Variants in KIF6 observed in about 807,000 individuals in gnomAD.
KIF6 encodes kinesin-like protein KIF6.
KIF6 carries 106 observed loss-of-function variants against 112.7 expected under a neutral mutation model. That is an observed-to-expected ratio of 0.94 (90% CI 0.80 to 1.11). KIF6 has a LOEUF of 1.11. Among genes scored for constraint, KIF6 ranks in the 50% least tolerant of loss-of-function variants. KIF6 has a pLI of 0.00. For missense variants in KIF6, 929 were observed against 964.0 expected, an observed-to-expected ratio of 0.96 and a Z score of 0.48; for synonymous variants, 339 against 339.9, an observed-to-expected ratio of 1.00 and a Z score of 0.03.
chr6:39,409,174 A>G (rs1030194776), intron 15 of KIF6, among the ~76,000 whole-genome samples: 7 of 152,226 alleles, frequency 4.6e-5, no homozygotes, highest in South Asian at 2.1e-4. Context: ...TTGCTGGCCT[A>G]CGGTCTGTGC....
chr6:39,464,405 A>G (rs1773666561), intron 13 of KIF6, among the ~76,000 whole-genome samples: 1 of 152,220 alleles, frequency 6.6e-6, no homozygotes, highest in Non-Finnish European at 1.5e-5. Context: ...AATGATCTCA[A>G]TTAGATCAAT....
intron 2 of KIF6, among the ~76,000 whole-genome samples, chr6:39,719,662 GAGT>G (rs1466539991): frequency 1.3e-5 from 2 of 152,188 alleles, no homozygotes; most frequent in African/African-American, 4.8e-5. Context: ...GCTACAAAAA[GAGT>G]ATTCAGACCA....
At chr6:39,352,274 T>C (rs746576035) in intron 19 of KIF6, among the ~76,000 whole-genome samples, 1 of 152,238 alleles carries the variant, frequency 6.6e-6, no homozygotes, top group Non-Finnish European at 1.5e-5. Context: ...TATAGATACA[T>C]TATTATGAAC....
Position 39,544,618 on chromosome 6 carries a change from G to A in KIF6, c.1363C>T (p.Pro455Ser). ...TTTCTATATTCTTCTTCTTTTAATG[G>A]TTCTTGACAATCTTGGTCTTTGCTT... is the stretch of plus-strand genomic sequence containing the variant. ...SESKDQDCQE[P>S]LKEEEYRKLR... The change falls in exon 12 of 23, where the codon CCA (proline) becomes TCA (serine). Residue 455 changes from proline (P) to serine (S), a missense_variant. Coordinates refer to ENST00000287152, the MANE Select transcript of KIF6 (RefSeq NM_145027.6). 1 of 1,611,616 alleles carries A rather than the reference G, an allele frequency of 6.2e-7. No homozygotes were observed. The highest frequency in any genetic ancestry group is 8.5e-7 in the Non-Finnish European group (1 of 1,178,302).
chr6:39,370,862 G>A (rs1044935892), intron 16 of KIF6, among the ~76,000 whole-genome samples: 2 of 152,050 alleles, frequency 1.3e-5, no homozygotes. Flanking sequence ...CACTACTGTC[G>A]ATTTTTATTC....
At chr6:39,612,051 T>C (rs182713560) in intron 6 of KIF6, among the ~76,000 whole-genome samples, 2 of 152,320 alleles carry the variant, frequency 1.3e-5, no homozygotes, top group Admixed American at 1.3e-4. Flanking sequence ...TTGAAAAGTA[T>C]TGATGCAAAA....
intron 3 of KIF6, among the ~76,000 whole-genome samples, chr6:39,646,843 TCA>T (rs148404533): frequency 0.019 from 2,854 of 152,300 alleles, 86 homozygotes; most frequent in African/African-American, 0.064. Context: ...TACTTGCCTT[TCA>T]CACAGTTCTG....
chr6:39,448,523 C>A (rs572961149), intron 13 of KIF6, among the ~76,000 whole-genome samples: 1 of 152,244 alleles, frequency 6.6e-6, no homozygotes, highest in South Asian at 2.1e-4. Context: ...CATTTATTAC[C>A]AGAGCATAAC....
At chr6:39,337,182 T>C (rs868416704) in intron 22 of KIF6, among the ~76,000 whole-genome samples, 13 of 85,440 alleles carry the variant, frequency 1.5e-4, no homozygotes, top group African/African-American at 5.4e-4. Context: ...CTTCTTTCTT[T>C]CTTTCTTTCT....
chr6:39,390,961 C>A (rs1391313711), intron 15 of KIF6, among the ~76,000 whole-genome samples: 1 of 152,130 alleles, frequency 6.6e-6, no homozygotes, highest in Non-Finnish European at 1.5e-5. Flanking sequence ...CACGGATTCC[C>A]AACTAACAGG....
At chr6:39,541,943 G>T (rs1778812716) in intron 12 of KIF6, among the ~76,000 whole-genome samples, 1 of 151,636 alleles carries the variant, frequency 6.6e-6, no homozygotes, top group African/African-American at 2.4e-5. Context: ...CTGAGATGAA[G>T]AATTATCCAG....
rs76423026 is a variant in KIF6, at chr6:39,656,287, A to G, written c.252-16530T>C. Among the ~76,000 whole-genome samples, 318 of 152,236 alleles carry G rather than the reference A, an allele frequency of 2.1e-3. 2 individuals are homozygous for G. Among genetic ancestry groups the G allele is most frequent in the African/African-American group, 7.3e-3 (304 of 41,550 alleles). On this transcript the variant is annotated intron_variant, in intron 3 of 22. Transcript: ENST00000287152. Reference sequence around the variant, plus strand: ...GTTCTCCAGTTTCTGAAATGGGCCCATTTCGATTATGTGTGCTACCTACCT... The same window carrying G: ...GTTCTCCAGTTTCTGAAATGGGCCCGTTTCGATTATGTGTGCTACCTACCT...
rs111485681 is a variant in KIF6 at position 39,345,575 on chromosome 6, C to G, written c.2321+125G>C. 50 of 704,912 alleles carry G rather than the reference C, an allele frequency of 7.1e-5. No individual in the cohort carries two copies. In the African/African-American group the frequency reaches 7.7e-4, roughly 11 times the overall value. 43.7% of individuals were successfully genotyped at this position (704,912 alleles called of 1,614,324 possible). On this transcript the variant is annotated intron_variant, in intron 21 of 22. Transcript: ENST00000287152. ...AATTCCCAGGGGACCAGGGCAGAGG[C>G]CAGACCTGGGTTCTGTCTGTGTGGC...
At chr6:39,624,804 CTCTT>C (rs1433908047) in intron 5 of KIF6, among the ~76,000 whole-genome samples, 21 of 147,656 alleles carry the variant, frequency 1.4e-4, no homozygotes, top group Admixed American at 1.3e-3. Context: ...AACACTGAAA[CTCTT>C]TCTTCCCATC....
chr6:39,605,543 G>C (rs79819142), intron 6 of KIF6, among the ~76,000 whole-genome samples: 2,550 of 152,088 alleles, frequency 0.017, 73 homozygotes, highest in African/African-American at 0.058. Context: ...CACAGGTAAT[G>C]ATAACACACC....
At chr6:39,709,782 G>T (rs2113863217) in intron 3 of KIF6, among the ~76,000 whole-genome samples, 1 of 152,208 alleles carries the variant, frequency 6.6e-6, no homozygotes, top group Non-Finnish European at 1.5e-5. Flanking sequence ...ATTTTATGTT[G>T]GGAATGTGTT....
intron 13 of KIF6, among the ~76,000 whole-genome samples, chr6:39,516,091 T>A (rs559052849): frequency 6.6e-6 from 1 of 152,164 alleles, no homozygotes; most frequent in Non-Finnish European, 1.5e-5. Context: ...CCAGTATGTA[T>A]AAGGCAAATA....
chr6:39,467,408 A>G (rs540967880), intron 13 of KIF6, among the ~76,000 whole-genome samples: 1 of 152,338 alleles, frequency 6.6e-6, no homozygotes, highest in East Asian at 1.9e-4. Context: ...GTTGAAAACA[A>G]TAAAACCATC....
intron 3 of KIF6, chr6:39,691,326 A>G (rs541270351): frequency 2.0e-5 from 3 of 152,324 alleles, no homozygotes; most frequent in South Asian, 4.1e-4. Flanking sequence ...TCTCAAAACA[A>G]GTCAGTGTCG....
Sources: gnomAD v4.1 joint callset for allele counts (sites outside exome capture counted in the v4.1 genomes callset) on GRCh38, gnomAD v4.1.1 for gene constraint, MANE v1.5 for transcripts, NCBI Gene and HGNC (gene_info 2026-07-23, HGNC 2026-07-21) for gene names.